Variants in ACKR2 observed in about 807,000 individuals in gnomAD.
ACKR2 encodes the protein C-C chemokine receptor D6.
For synonymous variants in ACKR2, 207 were observed against 192.2 expected, an observed-to-expected ratio of 1.08 and a Z score of -0.64; for missense variants, 457 against 477.3, an observed-to-expected ratio of 0.96 and a Z score of 0.40.
intron 1 of ACKR2, among the ~76,000 whole-genome samples, chr3:42,811,730 G>C (rs553441444): frequency 6.6e-6 from 1 of 152,126 alleles, no homozygotes; most frequent in African/African-American, 2.4e-5. Context: ...AAACCCGATC[G>C]TAAATTCCTC....
chr3:42,831,597 T>C (rs542867648), intron 2 of ACKR2, among the ~76,000 whole-genome samples: 1 of 152,302 alleles, frequency 6.6e-6, no homozygotes, highest in Admixed American at 6.5e-5. Context: ...GCAACCCAGT[T>C]GAACATCTGT....
chr3:42,829,506 T>C (rs953034689), intron 2 of ACKR2, among the ~76,000 whole-genome samples: 2 of 152,144 alleles, frequency 1.3e-5, no homozygotes, highest in African/African-American at 4.8e-5. Context: ...TACCAGGAGA[T>C]CAGGCCATGA....
chr3:42,858,538 A>G (rs993253358), intron 2 of ACKR2, among the ~76,000 whole-genome samples: 50 of 152,174 alleles, frequency 3.3e-4, no homozygotes, highest in African/African-American at 1.2e-3. Flanking sequence ...ATCAAAGACC[A>G]AAGGTAGATA....
chr3:42,856,731 G>A (rs932931993), intron 2 of ACKR2, among the ~76,000 whole-genome samples: 6 of 151,732 alleles, frequency 4.0e-5, no homozygotes, highest in African/African-American at 9.7e-5. Context: ...TTTGTGGCCC[G>A]TGACCATCAG....
intron 2 of ACKR2, among the ~76,000 whole-genome samples, chr3:42,821,916 T>C (rs1700812857): frequency 6.6e-6 from 1 of 152,022 alleles, no homozygotes; most frequent in East Asian, 1.9e-4. Context: ...CAGGATGGTC[T>C]CGATCTCCTG....
chr3:42,829,605 C>T (rs1054637256), intron 2 of ACKR2, among the ~76,000 whole-genome samples: 1 of 152,144 alleles, frequency 6.6e-6, no homozygotes, highest in Admixed American at 6.5e-5. Flanking sequence ...CCGATAGGGC[C>T]GTGGAGTTGT....
chr3:42,825,136 A>G (rs77845442), intron 2 of ACKR2, among the ~76,000 whole-genome samples: 2,065 of 152,256 alleles, frequency 0.014, 43 homozygotes, highest in African/African-American at 0.047. Context: ...GTTTTGAAAA[A>G]AGAAGTGTGA....
chr3:42,849,399 G>A (rs1215544558), intron 2 of ACKR2, among the ~76,000 whole-genome samples: 2 of 152,034 alleles, frequency 1.3e-5, no homozygotes, highest in East Asian at 1.9e-4. Flanking sequence ...CCACCGGGCC[G>A]AGGTAGGAGA....
rs531910271 is a variant in ACKR2 at position 42,866,177 on chromosome 3, C to CTCT, written c.*521_*522insCTT. 2.5e-5 allele frequency: 3 copies of CTCT among 122,046 alleles called. No individual in the cohort carries two copies. The highest frequency in any genetic ancestry group is 4.9e-5 in the Non-Finnish European group (3 of 60,720). The allele number at this position is 122,046 out of a possible 1,614,324, so 7.6% of individuals were successfully genotyped here. A position where few individuals can be genotyped will look rare whatever the true frequency, so the allele number is the denominator to read the frequency against. On this transcript the variant is annotated 3_prime_UTR_variant, in exon 3 of 3. Coordinates refer to ENST00000422265, the MANE Select transcript of ACKR2 (RefSeq NM_001296.5). ...TTTTTTTTCTTTCTTTCTTTCTTTT[C>CTCT]TTTTTTTTTTTTTTTTGAGACGGAG...
Position 42,864,724 on chromosome 3 carries a change from C to T in ACKR2, c.222C>T (p.Tyr74=), listed in dbSNP as rs2229593. ...TTCTTCTCATGGTCTTGCTCCGTTA[C>T]GTGCCTCGCAGGCGGATGGTTGAGA... The part of the protein sequence containing the change: ...NLLLLMVLLR[Y]VPRRRMVEIY... Residue 74 remains tyrosine (Y), a synonymous_variant, in exon 3 of 3, where the codon TAC becomes TAT. Coordinates refer to ENST00000422265, the MANE Select transcript of ACKR2 (RefSeq NM_001296.5). The T allele has an allele frequency of 0.023, 37,755 of 1,614,162 alleles. 581 individuals are homozygous for T. The highest frequency in any genetic ancestry group is 0.027 in the Non-Finnish European group (32,097 of 1,180,016).
chr3:42,854,725 C>T (rs181705145), intron 2 of ACKR2, among the ~76,000 whole-genome samples: 1 of 152,322 alleles, frequency 6.6e-6, no homozygotes, highest in African/African-American at 2.4e-5. Context: ...ATGCTGCATC[C>T]TCATCACAAT....
intron 2 of ACKR2, chr3:42,835,544 T>C (rs1233681795): frequency 2.0e-5 from 3 of 152,198 alleles, no homozygotes; most frequent in African/African-American, 7.2e-5. Context: ...CGTGTTGTGA[T>C]AAATTCTGTT....
intron 2 of ACKR2, among the ~76,000 whole-genome samples, chr3:42,820,883 G>GT (rs34265324): frequency 4.2e-3 from 604 of 143,690 alleles, no homozygotes; most frequent in African/African-American, 7.3e-3. Flanking sequence ...TTCATCAATA[G>GT]TTTTTTTTTT....
chr3:42,863,561 A>G (rs1220854711), intron 2 of ACKR2, among the ~76,000 whole-genome samples: 1 of 152,216 alleles, frequency 6.6e-6, no homozygotes, highest in African/African-American at 2.4e-5. Context: ...ACATGCACAC[A>G]TATGCTTATT....
In ACKR2 at chr3:42,866,532, T is replaced by C. The variant is rs539321834; in HGVS notation, c.*875T>C. On this transcript the variant is annotated 3_prime_UTR_variant, in exon 3 of 3. Coordinates refer to ENST00000422265, the MANE Select transcript of ACKR2 (RefSeq NM_001296.5). ...TCACCATGTTGGCCAGGCTGGAGAA[T>C]TGCTGTAATAGTTTTCCAACTGGCC... 6.0e-6 allele frequency: 1 copy of C among 167,196 alleles called. No individual in the cohort carries two copies. The highest frequency in any genetic ancestry group is 6.5e-5 in the Admixed American group (1 of 15,294). 10.4% of individuals were successfully genotyped at this position (167,196 alleles called of 1,614,324 possible).
chr3:42,845,858 A>G (rs925922167), intron 2 of ACKR2, among the ~76,000 whole-genome samples: 1 of 151,574 alleles, frequency 6.6e-6, no homozygotes, highest in Non-Finnish European at 1.5e-5. Context: ...CAAAAAAAAA[A>G]AAAAAAAGAA....
At chr3:42,860,170 A>AG (rs1374972582) in intron 2 of ACKR2, among the ~76,000 whole-genome samples, 2 of 130,054 alleles carry the variant, frequency 1.5e-5, no homozygotes, top group Non-Finnish European at 3.2e-5. Context: ...AAAGCAAAAA[A>AG]AAAAAAAAAA....
chr3:42,813,973 GTAA>G (rs1700721001), intron 1 of ACKR2, among the ~76,000 whole-genome samples: 1 of 152,164 alleles, frequency 6.6e-6, no homozygotes. Flanking sequence ...CAAACTTAAT[GTAA>G]TAACGAGAGA....
intron 2 of ACKR2, among the ~76,000 whole-genome samples, chr3:42,836,797 G>A (rs1700991190): frequency 6.6e-6 from 1 of 152,228 alleles, no homozygotes; most frequent in South Asian, 2.1e-4. Context: ...GTGTGGAGAT[G>A]CCAGATAAAT....
Sources: gnomAD v4.1 joint callset for allele counts (sites outside exome capture counted in the v4.1 genomes callset) on GRCh38, gnomAD v4.1.1 for gene constraint, MANE v1.5 for transcripts, NCBI Gene and HGNC (gene_info 2026-07-23, HGNC 2026-07-21) for gene names.